SAMD9: variants seen among roughly 807,000 people sequenced by gnomAD.
SAMD9 encodes the protein sterile alpha motif domain containing 9.
In SAMD9, 3 loss-of-function variants were observed where a neutral mutation model predicts 1.5. The observed-to-expected ratio is 2.05, with a 90% CI of 0.93 to 5.29. The LOEUF (loss-of-function observed/expected upper bound fraction) is 5.29. Among genes scored for constraint, SAMD9 ranks in the 30% most tolerant of loss-of-function variants. The probability of loss-of-function intolerance (pLI) is 0.02; values close to 1 mark genes in which losing one functional copy is unlikely to be tolerated. For missense variants in SAMD9, 1,597 were observed against 1,820.8 expected (o/e 0.88, Z 2.24); for synonymous variants, 635 against 631.9 (o/e 1.00, Z -0.07).
intron 2 of SAMD9, among the ~76,000 whole-genome samples, chr7:93,108,908 C>A (rs1162981138): frequency 6.6e-6 from 1 of 152,222 alleles, no homozygotes; most frequent in Admixed American, 6.5e-5. Context: ...GAAGAAACTT[C>A]TGCAGACTTA....
Position 93,104,220 on chromosome 7 carries a change from T to G in SAMD9, c.1878A>C (p.Gln626His). 1 of 1,613,942 alleles carries G rather than the reference T, an allele frequency of 6.2e-7. No individual in the cohort carries two copies. The highest frequency in any genetic ancestry group is 8.5e-7 in the Non-Finnish European group (1 of 1,179,858). ...GTILKLKSVTQSSKRLLPSIG... is the reference protein window; with the variant it reads ...GTILKLKSVTHSSKRLLPSIG... ...TAGATGGCAAAAGCCTTTTTGAAGA[T>G]TGAGTCACAGATTTTAGTTTAAGAA... The change falls in exon 3 of 3, where the codon CAA (glutamine) becomes CAC (histidine). Residue 626 changes from glutamine (Q) to histidine (H), a missense_variant. Coordinates refer to ENST00000379958, the MANE Select transcript of SAMD9 (RefSeq NM_017654.4).
At chr7:93,110,917 G>A (rs1357905338) in intron 2 of SAMD9, among the ~76,000 whole-genome samples, 1 of 152,186 alleles carries the variant, frequency 6.6e-6, no homozygotes, top group Non-Finnish European at 1.5e-5. Flanking sequence ...AGTTAACAAC[G>A]ATATCCAGGA....
Position 93,105,987 on chromosome 7 carries a change from AGTC to A in SAMD9, c.108_110del (p.Leu36_Thr37delinsPhe), listed in dbSNP as rs878905222. 6.3e-7 allele frequency: 1 copy of A among 1,594,828 alleles called. No homozygotes were observed. Among genetic ancestry groups the A allele is most frequent in the South Asian group, 1.1e-5 (1 of 87,300 alleles). On this transcript the variant is annotated inframe_deletion, in exon 3 of 3. Coordinates refer to ENST00000379958, the MANE Select transcript of SAMD9 (RefSeq NM_017654.4). ...AGACTGCTCCATTCACGTCTTGTTC[AGTC>A]AAAATTTCCCTGTGTTTTTGGTCAA...
intron 2 of SAMD9, among the ~76,000 whole-genome samples, chr7:93,110,451 A>G (rs992532873): frequency 6.6e-6 from 1 of 152,230 alleles, no homozygotes; most frequent in Non-Finnish European, 1.5e-5. Flanking sequence ...AAATTCACAC[A>G]TAACAATATT....
chr7:93,104,943 A>G lies in SAMD9; in HGVS notation c.1155T>C (p.Asn385=), dbSNP rs145917598. The change falls in exon 3 of 3, where the codon AAT becomes AAC. Residue 385 remains asparagine, a synonymous_variant. Transcript: ENST00000379958. ...ACTTTGGTCCCTCTCTTTCTTTTTT[A>G]TTTGTTTTTGCTCTGAATTTTTCTT... is the stretch of plus-strand genomic sequence containing the variant. ...AAEEKFRAKT[N]KKEREGPKLV... The G allele has an allele frequency of 1.9e-6, 3 of 1,609,970 alleles. No individual in the cohort carries two copies. The Admixed American group carries it at 5.1e-5, about 27-fold the overall frequency.
At chr7:93,114,197 A>C (rs1186863313) in intron 2 of SAMD9, among the ~76,000 whole-genome samples, 1 of 151,766 alleles carries the variant, frequency 6.6e-6, no homozygotes, top group Non-Finnish European at 1.5e-5. Context: ...AGTGTTGCCA[A>C]GGACAGAAAG....
chr7:93,104,963 TTTC>T lies in SAMD9; in HGVS notation c.1132_1134del (p.Glu378del), dbSNP rs1791606228. On this transcript the variant is annotated inframe_deletion, in exon 3 of 3. Coordinates refer to ENST00000379958, the MANE Select transcript of SAMD9 (RefSeq NM_017654.4). ...TTTTTATTTGTTTTTGCTCTGAATT[TTTC>T]TTCTGCTGCTTTTCTGGACTCTGCC... The T allele has an allele frequency of 2.5e-6, 4 of 1,611,244 alleles. No homozygotes were observed. The highest frequency in any genetic ancestry group is 3.4e-6 in the Non-Finnish European group (4 of 1,179,268).
At position 93,105,306 on chromosome 7, in the gene SAMD9, G is replaced by T; in HGVS notation, c.792C>A (p.Phe264Leu). ...NDTKEALINHFNLMINKYFED... is the reference protein window; with the variant it reads ...NDTKEALINHLNLMINKYFED... ...CAAAATACTTGTTTATCATCAGATT[G>T]AAATGGTTAATGAGGGCTTCCTTGG... Residue 264 changes from phenylalanine (F) to leucine (L), a missense_variant, in exon 3 of 3, where the codon TTC becomes TTA. Around this residue, in one of 6 missense-constraint regions of SAMD9, gnomAD observed 498 missense variants for 457.4 expected, o/e 1.09. Transcript: ENST00000379958. The T allele has an allele frequency of 6.2e-7, 1 of 1,613,972 alleles. No homozygotes were observed.
rs780310469 is a variant in SAMD9, at chr7:93,102,379, C to G, written c.3719G>C (p.Gly1240Ala). The part of the protein sequence containing the change: ...NFVSGSSDIP[G>A]DPNNEYKLAL... ...TAATTTATATTCATTGTTTGGATCC[C>G]CTGGAATATCACTACTTCCTGATAC... Residue 1240 changes from glycine (G) to alanine (A), a missense_variant, in exon 3 of 3, where the codon GGG becomes GCG. Physicochemically the swap from Gly to Ala is moderately conservative, Grantham distance 60 (BLOSUM62 0). Transcript: ENST00000379958. The G allele has an allele frequency of 1.2e-6, 2 of 1,608,738 alleles. No individual in the cohort carries two copies. Among genetic ancestry groups the G allele is most frequent in the East Asian group, 2.2e-5 (1 of 44,808 alleles).
chr7:93,102,502 C>T lies in SAMD9; in HGVS notation c.3596G>A (p.Gly1199Glu). ...YDTYNIAGYQ[G>E]EIEVGLYTIQ... is the part of the protein sequence containing the mutation. ...TGTGTAAAGCCCAACTTCTATCTCT[C>T]CTTGATAACCAGCTATATTGTAAGT... Residue 1199 changes from glycine to glutamate, a missense_variant, in exon 3 of 3, where the codon GGA becomes GAA. By Grantham distance (98) the Gly-to-Glu change is moderately conservative. This residue lies in a region of SAMD9 where 682 missense variants were observed against 810.0 expected (regional missense o/e 0.84). Transcript: ENST00000379958. 3 of 1,613,722 alleles carry T rather than the reference C, an allele frequency of 1.9e-6. No homozygotes were observed. The highest frequency in any genetic ancestry group is 2.5e-6 in the Non-Finnish European group (3 of 1,179,726).
Position 93,103,523 on chromosome 7 carries a change from G to A in SAMD9, c.2575C>T (p.Pro859Ser). The stretch of plus-strand genomic sequence containing the variant: ...AGCTCAAAAGCTCTCTGTTCTTTGG[G>A]AGAGAGTTGCTGTATTACGGCAATA... ...DSIAVIQQLS[P>S]KEQRAFELKL... Residue 859 changes from proline (P) to serine (S), a missense_variant, in exon 3 of 3, where the codon CCC becomes TCC. This residue lies in a region of SAMD9 where 55 missense variants were observed against 58.6 expected (regional missense o/e 0.94). Transcript: ENST00000379958. 1 of 1,613,652 alleles carries A rather than the reference G, an allele frequency of 6.2e-7. No homozygotes were observed. The highest frequency in any genetic ancestry group is 8.5e-7 in the Non-Finnish European group (1 of 1,179,712).
In SAMD9 at chr7:93,114,817, G is replaced by A. The variant is rs1006417206; in HGVS notation, c.-31C>T. On this transcript the variant is annotated 5_prime_UTR_variant, in exon 2 of 3. Transcript: ENST00000379958. ...TACCAAACTGACTCTAGAAGAAACC[G>A]AAGAAGTCTCACTTCCAGGGTGATG... 1.4e-4 allele frequency: 21 copies of A among 152,088 alleles called. No homozygotes were observed. The highest frequency in any genetic ancestry group is 1.0e-3 in the Admixed American group (16 of 15,260). 9.4% of individuals were successfully genotyped at this position (152,088 alleles called of 1,614,324 possible). A position where few individuals can be genotyped will look rare whatever the true frequency, so the allele number is the denominator to read the frequency against.
In SAMD9 at chr7:93,103,161, A is replaced by G; in HGVS notation, c.2937T>C (p.Cys979=). The change falls in exon 3 of 3, where the codon TGT becomes TGC. Residue 979 remains cysteine (C), a synonymous_variant. Coordinates refer to ENST00000379958, the MANE Select transcript of SAMD9 (RefSeq NM_017654.4). Reference sequence around the variant, plus strand: ...TCAAAGAGTGAATGATGCGTACTCCACAGTAGTTCCCACATTCGATGACCT... The same window carrying G: ...TCAAAGAGTGAATGATGCGTACTCCGCAGTAGTTCCCACATTCGATGACCT... ...KTEVIECGNY[C]GVRIIHSLIA... is the part of the protein sequence containing the mutation. The G allele has an allele frequency of 6.2e-7, 1 of 1,613,874 alleles. No homozygotes were observed. Among genetic ancestry groups the G allele is most frequent in the Non-Finnish European group, 8.5e-7 (1 of 1,179,788 alleles).
intron 1 of SAMD9, among the ~76,000 whole-genome samples, chr7:93,116,319 T>C (rs748927263): frequency 4.6e-5 from 7 of 152,330 alleles, no homozygotes; most frequent in Non-Finnish European, 8.8e-5. Flanking sequence ...CAGGTTCTCA[T>C]ATAAGAGTGT....
Position 93,103,636 on chromosome 7 carries a change from T to C in SAMD9, c.2462A>G (p.Lys821Arg). ...CAGAGGTTTTTCATATCGAATGTAC[T>C]TTTTAGCTATAGCTGTTTGAATAGA... ...QYSIQTAIAKKYIRYEKPLVI... is the reference protein window; with the variant it reads ...QYSIQTAIAKRYIRYEKPLVI... The change falls in exon 3 of 3, where the codon AAG becomes AGG. Residue 821 changes from lysine (K) to arginine (R), a missense_variant. By Grantham distance (26) the Lys-to-Arg change is conservative. Coordinates refer to ENST00000379958, the MANE Select transcript of SAMD9 (RefSeq NM_017654.4). 6.2e-7 allele frequency: 1 copy of C among 1,613,764 alleles called. No individual in the cohort carries two copies. Among genetic ancestry groups the C allele is most frequent in the Non-Finnish European group, 8.5e-7 (1 of 1,179,738 alleles).
intron 2 of SAMD9, among the ~76,000 whole-genome samples, chr7:93,108,741 C>G (rs957010001): frequency 4.6e-5 from 7 of 152,186 alleles, no homozygotes; most frequent in African/African-American, 1.7e-4. Context: ...AAGGCGGCAG[C>G]AAGCCTGGGG....
In SAMD9 at chr7:93,103,248, GA is replaced by G. The variant is rs1174803353; in HGVS notation, c.2849del (p.Phe950SerfsTer18). The G allele has an allele frequency of 1.2e-6, 2 of 1,613,682 alleles. No individual in the cohort carries two copies. Among genetic ancestry groups the G allele is most frequent in the East Asian group, 4.5e-5 (2 of 44,864 alleles). ...KFLGIGNKKA[F>X]WGTEKFEDKM... is the part of the protein sequence containing the mutation. ...TGTCTTCAAATTTTTCTGTCCCCCA[GA>G]AAGCCTTCTTGTTTCCAATTCCTAA... On this transcript the variant is annotated frameshift_variant, in exon 3 of 3. Transcript: ENST00000379958. LOFTEE classifies it low-confidence loss of function (END_TRUNC).
At chr7:93,106,364 T>C (rs1791644748) in intron 2 of SAMD9, among the ~76,000 whole-genome samples, 1 of 152,234 alleles carries the variant, frequency 6.6e-6, no homozygotes. Context: ...CTTCATTCAC[T>C]AAGTAAATTT....
At chr7:93,106,517 A>C (rs1166989836) in intron 2 of SAMD9, among the ~76,000 whole-genome samples, 4 of 152,228 alleles carry the variant, frequency 2.6e-5, no homozygotes, top group Admixed American at 2.6e-4. Flanking sequence ...TTTGAAACTA[A>C]GTACAGAAGC....
Sources: gnomAD v4.1 joint callset for allele counts (sites outside exome capture counted in the v4.1 genomes callset) on GRCh38, gnomAD v4.1.1 for gene constraint, gnomAD v4.1.1 regional missense constraint, MANE v1.5 for transcripts, NCBI Gene and HGNC (gene_info 2026-07-23, HGNC 2026-07-21) for gene names.